Variants in HIBCH observed in about 807,000 individuals in gnomAD.
The protein encoded by HIBCH is 3-hydroxyisobutyryl-CoA hydrolase, mitochondrial.
In HIBCH, 50 loss-of-function variants were observed where a neutral mutation model predicts 58.2. That is an observed-to-expected ratio of 0.86 (90% CI 0.68 to 1.09). The LOEUF (loss-of-function observed/expected upper bound fraction) is 1.09, where lower values mean the gene tolerates loss of function less well. Among genes scored for constraint, HIBCH ranks in the 50% least tolerant of loss-of-function variants. The pLI is 0.00. For missense variants in HIBCH, 450 were observed against 449.7 expected (o/e 1.00, Z -0.01); for synonymous variants, 151 against 146.9 (o/e 1.03, Z -0.20).
chr2:190,285,975 G>A (rs1201803382), intron 6 of HIBCH, among the ~76,000 whole-genome samples: 1 of 152,068 alleles, frequency 6.6e-6, no homozygotes, highest in Non-Finnish European at 1.5e-5. Flanking sequence ...CCCAGTCACT[G>A]AGATTACTGG....
intron 6 of HIBCH, among the ~76,000 whole-genome samples, chr2:190,265,420 C>A (rs1173381694): frequency 6.8e-6 from 1 of 147,486 alleles, no homozygotes; most frequent in African/African-American, 2.5e-5. Context: ...CTGTTCTAAT[C>A]TTTTGCTGTG....
At position 190,216,508 on chromosome 2, in the gene HIBCH, A is replaced by G. The variant is rs577328252; in HGVS notation, c.892-3433T>C. The stretch of plus-strand genomic sequence containing the variant: ...TGTAAACTCAAATGACTACAGGGCC[A>G]GTAAATGATGAGAAGGAGGGCTGCA... On this transcript the variant is annotated intron_variant, in intron 11 of 13. Coordinates refer to ENST00000359678, the MANE Select transcript of HIBCH (RefSeq NM_014362.4). The surrounding 1 kb of genome is among the most constrained non-coding windows in gnomAD (Gnocchi z 4.2). 1.3e-5 allele frequency among the ~76,000 whole-genome samples: 2 copies of G among 152,304 alleles called. No homozygotes were observed. The highest frequency in any genetic ancestry group is 4.1e-4 in the South Asian group (2 of 4,822).
In HIBCH at chr2:190,231,839, T is replaced by A. The variant is rs553891385; in HGVS notation, c.891+13048A>T. Among the ~76,000 whole-genome samples, 11 of 152,156 alleles carry A rather than the reference T, an allele frequency of 7.2e-5. 1 individual carries two copies. In the South Asian group the frequency reaches 2.3e-3, roughly 32 times the overall value. On this transcript the variant is annotated intron_variant, in intron 11 of 13. Coordinates refer to ENST00000359678, the MANE Select transcript of HIBCH (RefSeq NM_014362.4). ...AAAATTCAACCTAATCTGCAAACCA[T>A]AAATAACTCACTTAAAAAAAAAGTG...
In HIBCH at chr2:190,197,481, C is replaced by G. The variant is rs1049105673; in HGVS notation, c.*18-7484G>C. On this transcript the variant is annotated intron_variant, in intron 1 of 1. Coordinates refer to the HIBCH transcript ENST00000399855. The surrounding 1 kb of genome is among the most constrained non-coding windows in gnomAD (Gnocchi z 4.0). ...CCCAGTACCCTTGCCAAGTCTCATG[C>G]AGATTTCTGCCTCTCTTCCCAATCT... 6.6e-6 allele frequency among the ~76,000 whole-genome samples: 1 copy of G among 152,186 alleles called. No individual in the cohort carries two copies. Among genetic ancestry groups the G allele is most frequent in the African/African-American group, 2.4e-5 (1 of 41,440 alleles).
chr2:190,235,747 T>C lies in HIBCH; in HGVS notation c.891+9140A>G, dbSNP rs1451258451. Among the ~76,000 whole-genome samples, 5 of 152,206 alleles carry C rather than the reference T, an allele frequency of 3.3e-5. No homozygotes were observed. The South Asian group carries it at 1.0e-3, about 31-fold the overall frequency. The stretch of plus-strand genomic sequence containing the variant: ...ACCCTTTGGCACCTGGCAACTCACA[T>C]AGACTTTGCTCAGATTACACTTCCT... On this transcript the variant is annotated intron_variant, in intron 11 of 13. Transcript: ENST00000359678.
intron 4 of HIBCH, among the ~76,000 whole-genome samples, chr2:190,291,404 A>T (rs913321011): frequency 2.0e-5 from 3 of 152,164 alleles, no homozygotes; most frequent in Admixed American, 6.5e-5. Flanking sequence ...AGAAGAGGTA[A>T]CCCTAAGCCA....
At chr2:190,291,661 G>A (rs1036997844) in intron 4 of HIBCH, among the ~76,000 whole-genome samples, 2 of 152,148 alleles carry the variant, frequency 1.3e-5, no homozygotes, top group African/African-American at 4.8e-5. Flanking sequence ...GCATACCACT[G>A]CCTGGCTTAA....
At position 190,319,769 on chromosome 2, in the gene HIBCH, T is replaced by C; in HGVS notation, c.-19A>G. The C allele has an allele frequency of 6.2e-7, 1 of 1,609,618 alleles. No individual in the cohort carries two copies. Among genetic ancestry groups the C allele is most frequent in the Non-Finnish European group, 8.5e-7 (1 of 1,178,082 alleles). Reference sequence around the variant, plus strand: ...GCCCCATCGCCAAACACTCCGAAGCTAAAGCAGCAGAGCGAGAATCTCCCG... The same window carrying C: ...GCCCCATCGCCAAACACTCCGAAGCCAAAGCAGCAGAGCGAGAATCTCCCG... On this transcript the variant is annotated 5_prime_UTR_variant, in exon 1 of 14. Transcript: ENST00000359678.
At chr2:190,296,682 A>G (rs1216895615) in intron 3 of HIBCH, 131 bp downstream of exon 3, 3 of 862,734 alleles carry the variant, frequency 3.5e-6, no homozygotes, top group African/African-American at 1.7e-5. Flanking sequence ...TGAAACCTCA[A>G]GAATTGATGG....
At chr2:190,233,553 A>G (rs10168977) in intron 11 of HIBCH, among the ~76,000 whole-genome samples, 1,898 of 152,332 alleles carry the variant, frequency 0.012, 35 homozygotes, top group African/African-American at 0.043. Flanking sequence ...TCAATGAAAT[A>G]TAAGTCCATT....
chr2:190,286,817 G>A (rs1687839219), intron 6 of HIBCH, among the ~76,000 whole-genome samples: 1 of 150,746 alleles, frequency 6.6e-6, no homozygotes, highest in South Asian at 2.1e-4. Context: ...GTGAAATTTT[G>A]AGTAACAGGT....
chr2:190,207,690 G>A lies in HIBCH; in HGVS notation c.1045+1190C>T, dbSNP rs1416664658. 6.6e-6 allele frequency among the ~76,000 whole-genome samples: 1 copy of A among 152,112 alleles called. No individual in the cohort carries two copies. Among genetic ancestry groups the A allele is most frequent in the African/African-American group, 2.4e-5 (1 of 41,404 alleles). ...AATATCAGGAGTTCAAGACCAGCCT[G>A]GCCAACATGGTGAAACCCCGTTTCT... On this transcript the variant is annotated intron_variant, in intron 13 of 13. Transcript: ENST00000359678. The surrounding 1 kb of genome is among the most constrained non-coding windows in gnomAD (Gnocchi z 4.5).
At chr2:190,299,358 A>G (rs1388157852) in intron 2 of HIBCH, among the ~76,000 whole-genome samples, 1 of 152,252 alleles carries the variant, frequency 6.6e-6, no homozygotes, top group African/African-American at 2.4e-5. Context: ...ACTTAAAGTT[A>G]CAGGAACAAT....
At chr2:190,269,873 C>T (rs1439430928) in intron 6 of HIBCH, among the ~76,000 whole-genome samples, 1 of 152,082 alleles carries the variant, frequency 6.6e-6, no homozygotes, top group Non-Finnish European at 1.5e-5. Flanking sequence ...ACATACACAC[C>T]ATGGAATACT....
chr2:190,316,169 G>T (rs191815422), intron 1 of HIBCH, among the ~76,000 whole-genome samples: 1 of 152,236 alleles, frequency 6.6e-6, no homozygotes, highest in African/African-American at 2.4e-5. Flanking sequence ...TTTAGAGACA[G>T]GGTCTCACTC....
In HIBCH at chr2:190,208,868, T is replaced by C; in HGVS notation, c.1045+12A>G. The stretch of plus-strand genomic sequence containing the variant: ...ATTTCCCCAAAATGGTAAGTTCCCA[T>C]TTGCCACTTACCAGCTCTAACGCCT... On this transcript the variant is annotated intron_variant, in intron 13 of 13. Transcript: ENST00000359678. 6.2e-7 allele frequency: 1 copy of C among 1,611,324 alleles called. No homozygotes were observed. Among genetic ancestry groups the C allele is most frequent in the Non-Finnish European group, 8.5e-7 (1 of 1,177,520 alleles).
intron 2 of HIBCH, among the ~76,000 whole-genome samples, chr2:190,301,317 ATAGAGGCC>A (rs1319907733): frequency 6.6e-6 from 1 of 152,206 alleles, no homozygotes; most frequent in Non-Finnish European, 1.5e-5. Context: ...GGGGAAGGAA[ATAGAGGCC>A]TACTAAATAA....
intron 6 of HIBCH, among the ~76,000 whole-genome samples, chr2:190,277,784 T>A (rs755565104): frequency 2.0e-5 from 3 of 152,102 alleles, no homozygotes; most frequent in Non-Finnish European, 4.4e-5. Flanking sequence ...ATAAGGCAAA[T>A]GCCTTGCGGT....
chr2:190,230,579 C>CAGATAT (rs1416355148), intron 11 of HIBCH, among the ~76,000 whole-genome samples: 2 of 152,164 alleles, frequency 1.3e-5, no homozygotes, highest in Non-Finnish European at 2.9e-5. Context: ...CCTATATTCC[C>CAGATAT]AGATACTAGG....
Sources: gnomAD v4.1 joint callset for allele counts (sites outside exome capture counted in the v4.1 genomes callset) on GRCh38, gnomAD v4.1.1 for gene constraint, Gnocchi (gnomAD v3.1) non-coding constraint, MANE v1.5 for transcripts, NCBI Gene and HGNC (gene_info 2026-07-23, HGNC 2026-07-21) for gene names.